RSPH14: variants seen among roughly 807,000 people sequenced by gnomAD.
The protein encoded by RSPH14 is radial spoke head 14 homolog.
RSPH14 carries 20 observed loss-of-function variants against 26.7 expected under a neutral mutation model. That is an observed-to-expected ratio of 0.75 (90% CI 0.53 to 1.09). The LOEUF is 1.09. Among genes scored for constraint, RSPH14 ranks in the 50% least tolerant of loss-of-function variants. The pLI is 0.00. For synonymous variants in RSPH14, 177 were observed against 189.3 expected (o/e 0.93, Z 0.53); for missense variants, 449 against 457.2 (o/e 0.98, Z 0.16).
At chr22:23,092,824 G>A (rs1005603269) in intron 4 of RSPH14, among the ~76,000 whole-genome samples, 1 of 152,204 alleles carries the variant, frequency 6.6e-6, no homozygotes, top group African/African-American at 2.4e-5. Context: ...GGGACAGAAG[G>A]GGCGCCTGGC....
At chr22:23,088,659 G>A (rs562227941) in intron 4 of RSPH14, among the ~76,000 whole-genome samples, 10 of 152,278 alleles carry the variant, frequency 6.6e-5, no homozygotes, top group Non-Finnish European at 1.2e-4. Flanking sequence ...TTGTTGGTCT[G>A]AAATGGGTTC....
At chr22:23,160,359 A>T in the RSPH14 span, among the ~76,000 whole-genome samples, 1 of 152,194 alleles carries the variant, frequency 6.6e-6, no homozygotes, top group Non-Finnish European at 1.5e-5. Context: ...TGGCTGCACA[A>T]GGGCAGTGTG....
intron 4 of RSPH14, among the ~76,000 whole-genome samples, chr22:23,078,746 G>C (rs1158758239): frequency 2.0e-5 from 3 of 152,236 alleles, no homozygotes; most frequent in Non-Finnish European, 4.4e-5. Flanking sequence ...GGGCTTCTAA[G>C]GGGGCTGAGG....
the RSPH14 span, among the ~76,000 whole-genome samples, chr22:23,167,099 G>C: frequency 2.6e-5 from 4 of 151,980 alleles, no homozygotes; most frequent in East Asian, 5.8e-4. Context: ...CTGAACTCCT[G>C]GTCCCTCCCC....
At chr22:23,171,412 A>G in the RSPH14 span, among the ~76,000 whole-genome samples, 3 of 152,158 alleles carry the variant, frequency 2.0e-5, no homozygotes, top group African/African-American at 7.2e-5. Flanking sequence ...TCCTAGATTC[A>G]AGCAACCCTC....
chr22:23,164,052 C>A, the RSPH14 span: 2 of 152,252 alleles, frequency 1.3e-5, no homozygotes, highest in East Asian at 3.8e-4. Flanking sequence ...GCCCTTCTCC[C>A]GACTGCGGCC....
At chr22:23,167,373 T>C in the RSPH14 span, among the ~76,000 whole-genome samples, 1 of 152,190 alleles carries the variant, frequency 6.6e-6, no homozygotes, top group Non-Finnish European at 1.5e-5. Context: ...CCAGCAGCCA[T>C]GGTTGACAGA....
intron 4 of RSPH14, among the ~76,000 whole-genome samples, chr22:23,100,978 G>A (rs2069285844): frequency 6.6e-6 from 1 of 152,192 alleles, no homozygotes; most frequent in Admixed American, 6.5e-5. Context: ...TTAAAATGGA[G>A]TTTAAACATT....
chr22:23,151,506 A>G, the RSPH14 span, among the ~76,000 whole-genome samples: 1 of 152,174 alleles, frequency 6.6e-6, no homozygotes, highest in African/African-American at 2.4e-5. Flanking sequence ...AGGCAGAGGA[A>G]GTGCCTGTCA....
At chr22:23,062,084 C>G in intron 5 of RSPH14, 139 bp from the exon 6 acceptor site, 1 of 1,058,904 alleles carries the variant, frequency 9.4e-7, no homozygotes, top group African/African-American at 1.6e-5. Context: ...TCCCCATGAT[C>G]CAGGACTGGT....
At chr22:23,141,502 T>A (rs547701086) in intron 1 of RSPH14, among the ~76,000 whole-genome samples, 1 of 152,250 alleles carries the variant, frequency 6.6e-6, no homozygotes, top group South Asian at 2.1e-4. Flanking sequence ...AAAGGGGAGA[T>A]GATAACAGTA....
At chr22:23,174,674 TAA>T in the RSPH14 span, among the ~76,000 whole-genome samples, 1 of 143,402 alleles carries the variant, frequency 7.0e-6, no homozygotes, top group South Asian at 2.2e-4. Flanking sequence ...AATAAAGTTG[TAA>T]AAAAAAAAAA....
chr22:23,126,098 G>T lies in RSPH14; in HGVS notation c.421+7928C>A, dbSNP rs184935100. Among the ~76,000 whole-genome samples, 1,016 of 152,308 alleles carry T rather than the reference G, an allele frequency of 6.7e-3. 6 individuals carry two copies. The highest frequency in any genetic ancestry group is 8.9e-3 in the Non-Finnish European group (607 of 68,028). On this transcript the variant is annotated intron_variant, in intron 4 of 6. Transcript: ENST00000216036. Reference sequence around the variant, plus strand: ...AAGAAATAACGTGTGACTTAAAATCGTTGAGACTTATTTTGTGCTTTTAAT... The same window carrying T: ...AAGAAATAACGTGTGACTTAAAATCTTTGAGACTTATTTTGTGCTTTTAAT...
chr22:23,174,845 G>A, the RSPH14 span, among the ~76,000 whole-genome samples: 1,374 of 152,030 alleles, frequency 9.0e-3, 22 homozygotes, highest in African/African-American at 0.032. Flanking sequence ...GTGCATGCCT[G>A]TAATCCCAGC....
chr22:23,130,079 GAAAGGAAGAAAGAAAGAAAGA>G (rs2070288195), intron 4 of RSPH14, among the ~76,000 whole-genome samples: 4 of 30,498 alleles, frequency 1.3e-4, no homozygotes, highest in Non-Finnish European at 2.0e-4. Flanking sequence ...AAGAAAGAAA[GAAAGGAAGAAAGAAAGAAAGA>G]AAGAAAGAAA....
rs2068146208 is a variant in RSPH14, at chr22:23,063,980, A to G, written c.575T>C (p.Val192Ala). Residue 192 changes from valine (V) to alanine (A), a missense_variant, in exon 5 of 7, where the codon GTG becomes GCG. Physicochemically the swap from Val to Ala is moderately conservative, Grantham distance 64. Transcript: ENST00000216036. ...GAGGAGCTTCTGCTTCAGGACAAGC[A>G]CCACATTGCTGCCCAGGGCCTCGGT... ...DATEALGSNV[V>A]LVLKQKLLSA... The G allele has an allele frequency of 6.2e-7, 1 of 1,614,124 alleles. No individual in the cohort carries two copies. The highest frequency in any genetic ancestry group is 1.6e-4 in the Middle Eastern group (1 of 6,062).
At chr22:23,068,514 T>C (rs2068262938) in intron 4 of RSPH14, among the ~76,000 whole-genome samples, 1 of 152,240 alleles carries the variant, frequency 6.6e-6, no homozygotes, top group African/African-American at 2.4e-5. Context: ...ATTGGTTTGA[T>C]GCCAGGTGAG....
intron 4 of RSPH14, among the ~76,000 whole-genome samples, chr22:23,077,112 A>C (rs1569160906): frequency 6.6e-6 from 1 of 152,236 alleles, no homozygotes; most frequent in African/African-American, 2.4e-5. Flanking sequence ...TGCAGCGGGC[A>C]CGGGAGGCAG....
the RSPH14 span, among the ~76,000 whole-genome samples, chr22:23,150,367 T>G: frequency 6.7e-6 from 1 of 150,062 alleles, no homozygotes; most frequent in South Asian, 2.1e-4. Flanking sequence ...AGTGGTGCGA[T>G]CTCAGCTCAC....
Sources: allele counts gnomAD v4.1 joint callset (sites outside exome capture counted in the v4.1 genomes callset), GRCh38; gene constraint gnomAD v4.1.1; transcripts MANE v1.5; gene names NCBI Gene and HGNC (gene_info 2026-07-23, HGNC 2026-07-21).